The following PTPRQ variants were observed in gnomAD, a reference collection of about 807,000 sequenced individuals.
PTPRQ encodes the protein phosphatidylinositol phosphatase PTPRQ.
PTPRQ carries 199 observed loss-of-function variants against 246.0 expected under a neutral mutation model. The observed-to-expected ratio is 0.81, with a 90% CI of 0.72 to 0.91. PTPRQ has a LOEUF of 0.91. Ranked by LOEUF, PTPRQ falls within the 40% of genes least tolerant of loss-of-function variation. The probability of loss-of-function intolerance (pLI) is 0.00; values close to 1 mark genes in which losing one functional copy is unlikely to be tolerated. For missense variants in PTPRQ, 2,624 were observed against 2,528.4 expected (o/e 1.04, Z -0.81); for synonymous variants, 869 against 853.2 (o/e 1.02, Z -0.32).
chr12:80,541,519 TGA>T, intron 20 of PTPRQ, 34 bp from the exon 21 acceptor site: 1 of 1,401,896 alleles, frequency 7.1e-7, no homozygotes, highest in South Asian at 1.9e-5. Context: ...TTAGGGTAAC[TGA>T]TGATTTTTGT....
intron 18 of PTPRQ, 147 bp from the exon 19 acceptor site, chr12:80,534,745 G>C: frequency 9.8e-7 from 1 of 1,023,806 alleles, no homozygotes; most frequent in South Asian, 1.8e-5. Flanking sequence ...GTGTTTTATG[G>C]ATTTCATTTC....
At position 80,468,719 on chromosome 12, in the gene PTPRQ, G is replaced by T; in HGVS notation, c.920G>T (p.Gly307Val). 1.9e-6 allele frequency: 3 copies of T among 1,539,252 alleles called. No homozygotes were observed. The highest frequency in any genetic ancestry group is 1.3e-5 in the South Asian group (1 of 79,966). The stretch of plus-strand genomic sequence containing the variant: ...TCTATAATTATTTTAGTGCCTGAAG[G>T]ACCACCACAAAACTGCGTAACAGGC... Reference protein sequence around the residue: ...IVRTPESVPEGPPQNCVTGNI... With the variant: ...IVRTPESVPEVPPQNCVTGNI... Residue 307 changes from glycine (G) to valine (V), a missense_variant, in exon 7 of 45, where the codon GGA (glycine) becomes GTA (valine). By Grantham distance (109) the Gly-to-Val change is moderately radical. Coordinates refer to ENST00000644991, the MANE Select transcript of PTPRQ (RefSeq NM_001145026.2).
At chr12:80,607,035 C>T (rs368116058) in intron 27 of PTPRQ, among the ~76,000 whole-genome samples, 1 of 150,894 alleles carries the variant, frequency 6.6e-6, no homozygotes, top group African/African-American at 2.4e-5. Context: ...TGCTGAGTTT[C>T]AAAGTGAGCA....
At chr12:80,640,239 A>ATG (rs1445966004) in intron 35 of PTPRQ, among the ~76,000 whole-genome samples, 2 of 152,168 alleles carry the variant, frequency 1.3e-5, no homozygotes, top group Non-Finnish European at 2.9e-5. Context: ...ATGGCATTTA[A>ATG]TGTTGACTCA....
Position 80,519,106 on chromosome 12 carries a change from C to T in PTPRQ, c.2678+8663C>T, listed in dbSNP as rs114348029. Reference sequence around the variant, plus strand: ...TTTAATAATATTGATTCTTCCACCCCATGACATCGAATAGCTTTCCATTTT... The same window carrying T: ...TTTAATAATATTGATTCTTCCACCCTATGACATCGAATAGCTTTCCATTTT... On this transcript the variant is annotated intron_variant, in intron 17 of 44. Coordinates refer to ENST00000644991, the MANE Select transcript of PTPRQ (RefSeq NM_001145026.2). Among the ~76,000 whole-genome samples, 888 of 152,196 alleles carry T rather than the reference C, an allele frequency of 5.8e-3. 10 individuals are homozygous for T. The highest frequency in any genetic ancestry group is 0.021 in the African/African-American group (862 of 41,546).
At chr12:80,449,305 T>A (rs1892664519) in intron 3 of PTPRQ, among the ~76,000 whole-genome samples, 1 of 152,106 alleles carries the variant, frequency 6.6e-6, no homozygotes, top group African/African-American at 2.4e-5. Flanking sequence ...GTTGTGAAAA[T>A]TTTCCCCCAT....
chr12:80,454,722 G>T (rs58822047), intron 3 of PTPRQ, among the ~76,000 whole-genome samples: 39 of 151,720 alleles, frequency 2.6e-4, no homozygotes, highest in African/African-American at 9.4e-4. Context: ...CTGTTGAGAC[G>T]ATCATATGGC....
rs148668136 is a variant in PTPRQ, at chr12:80,624,668, G to A, written c.5686+2534G>A. 1.2e-3 allele frequency among the ~76,000 whole-genome samples: 185 copies of A among 152,236 alleles called. 3 individuals carry two copies. In the East Asian group the frequency reaches 0.033, roughly 27 times the overall value. Reference sequence around the variant, plus strand: ...ACCATCAATTACTGTTGTCATATTTGCTTTCTACCAGACTATTGAGTGTCG... The same window carrying A: ...ACCATCAATTACTGTTGTCATATTTACTTTCTACCAGACTATTGAGTGTCG... On this transcript the variant is annotated intron_variant, in intron 33 of 44. Coordinates refer to ENST00000644991, the MANE Select transcript of PTPRQ (RefSeq NM_001145026.2).
At position 80,610,064 on chromosome 12, in the gene PTPRQ, G is replaced by A. The variant is rs538249734; in HGVS notation, c.4732-375G>A. 1.7e-4 allele frequency among the ~76,000 whole-genome samples: 25 copies of A among 150,534 alleles called. No individual in the cohort carries two copies. In the South Asian group the frequency reaches 2.7e-3, roughly 16 times the overall value. ...AGGTGGTTTCTCAAATACTACAGGA[G>A]CTATAAGTGGCCAATTTGGGATTTG... On this transcript the variant is annotated intron_variant, in intron 27 of 44. Transcript: ENST00000644991.
rs2120480813 is a variant in PTPRQ at position 80,460,831 on chromosome 12, T to A, written c.839T>A (p.Leu280His). 2.5e-6 allele frequency: 1 copy of A among 400,708 alleles called. No homozygotes were observed. The highest frequency in any genetic ancestry group is 3.6e-5 in the East Asian group (1 of 28,060). The allele number at this position is 400,708 out of a possible 1,614,324, so 24.8% of individuals were successfully genotyped here. A position where few individuals can be genotyped will look rare whatever the true frequency, so the allele number is the denominator to read the frequency against. Residue 280 changes from leucine to histidine, a missense_variant, in exon 6 of 45, where the codon CTT (leucine) becomes CAT (histidine). Leu to His is a moderately conservative substitution (Grantham distance 99). Coordinates refer to ENST00000644991, the MANE Select transcript of PTPRQ (RefSeq NM_001145026.2). ...CACTTGAGACCTTATACAACATATC[T>A]TTTTGAAGTTTCAGCTGCTACAACT... ...VTHLRPYTTY[L>H]FEVSAATTEA...
intron 17 of PTPRQ, among the ~76,000 whole-genome samples, chr12:80,525,426 T>C (rs1895652235): frequency 6.6e-6 from 1 of 152,152 alleles, no homozygotes. Flanking sequence ...CTTTGTGTCT[T>C]GTGTATAATG....
At chr12:80,579,985 C>A (rs538170720) in intron 25 of PTPRQ, among the ~76,000 whole-genome samples, 10 of 152,034 alleles carry the variant, frequency 6.6e-5, no homozygotes, top group Non-Finnish European at 1.3e-4. Flanking sequence ...CATAAATAAA[C>A]AATTTAAACT....
At chr12:80,580,845 T>A (rs1897411107) in intron 25 of PTPRQ, among the ~76,000 whole-genome samples, 1 of 152,192 alleles carries the variant, frequency 6.6e-6, no homozygotes, top group East Asian at 1.9e-4. Context: ...TGTCACATAA[T>A]AGGAGGCTGA....
At chr12:80,577,307 A>G (rs113828983) in intron 25 of PTPRQ, among the ~76,000 whole-genome samples, 5 of 152,330 alleles carry the variant, frequency 3.3e-5, no homozygotes, top group African/African-American at 1.2e-4. Flanking sequence ...AAGGGAACCA[A>G]ACACCTCCTT....
chr12:80,454,554 G>T (rs1892906835), intron 3 of PTPRQ: 1 of 702,474 alleles, frequency 1.4e-6, no homozygotes, highest in Non-Finnish European at 2.6e-6. Context: ...GCATTTCTTA[G>T]GGATAATCCT....
intron 25 of PTPRQ, among the ~76,000 whole-genome samples, chr12:80,570,433 GT>G (rs905501478): frequency 7.3e-5 from 11 of 149,890 alleles, no homozygotes; most frequent in Admixed American, 5.4e-4. Flanking sequence ...GGGGTTGTTT[GT>G]TTTTTTTCTT....
chr12:80,618,998 A>G (rs1898872670), intron 30 of PTPRQ, among the ~76,000 whole-genome samples: 1 of 151,556 alleles, frequency 6.6e-6, no homozygotes, highest in African/African-American at 2.4e-5. Context: ...TAGTATGACT[A>G]GAACAGAAAT....
chr12:80,616,360 A>G, intron 30 of PTPRQ, 94 bp downstream of exon 30: 1 of 1,229,610 alleles, frequency 8.1e-7, no homozygotes, highest in Non-Finnish European at 1.1e-6. Flanking sequence ...CAAGCCTTTA[A>G]GTGATAAATA....
At chr12:80,530,049 T>C (rs1280487741) in intron 17 of PTPRQ, among the ~76,000 whole-genome samples, 2 of 152,148 alleles carry the variant, frequency 1.3e-5, no homozygotes, top group African/African-American at 4.8e-5. Flanking sequence ...ACTTTGGATA[T>C]GTAAGAGTTA....
Sources: gnomAD v4.1 joint callset for allele counts (sites outside exome capture counted in the v4.1 genomes callset) on GRCh38, gnomAD v4.1.1 for gene constraint, MANE v1.5 for transcripts, NCBI Gene and HGNC (gene_info 2026-07-23, HGNC 2026-07-21) for gene names.